CBLN2: variants seen among roughly 807,000 people sequenced by gnomAD.
CBLN2 encodes the protein cerebellin 2 precursor, also known as cerebellin-2.
In CBLN2, 7 loss-of-function variants were observed where a neutral mutation model predicts 15.0. The ratio of observed to expected loss-of-function variants is 0.47; its 90% CI spans 0.27 to 0.88. CBLN2 has a LOEUF of 0.88. CBLN2 is among the 40% of genes least tolerant of loss of function. The probability of loss-of-function intolerance (pLI) is 0.14; values close to 1 mark genes in which losing one functional copy is unlikely to be tolerated. For missense variants in CBLN2, 242 were observed against 304.5 expected, an observed-to-expected ratio of 0.79 and a Z score of 1.53; for synonymous variants, 149 against 135.2, an observed-to-expected ratio of 1.10 and a Z score of -0.71.
chr18:72,590,457 A>AG (rs1293762834), intron 1 of CBLN2, among the ~76,000 whole-genome samples: 2 of 152,202 alleles, frequency 1.3e-5, no homozygotes, highest in African/African-American at 4.8e-5. Flanking sequence ...CTCAAAAAAA[A>AG]AAGTGGTTTT....
chr18:72,631,230 A>G (rs1005941942), intron 1 of CBLN2: 1 of 152,288 alleles, frequency 6.6e-6, no homozygotes, highest in African/African-American at 2.4e-5. Flanking sequence ...TCTTATGGGA[A>G]TATATCAACT....
intron 1 of CBLN2, among the ~76,000 whole-genome samples, chr18:72,570,514 C>T (rs2069325134): frequency 6.6e-6 from 1 of 151,722 alleles, no homozygotes; most frequent in African/African-American, 2.4e-5. Flanking sequence ...TCCTGAAGTG[C>T]TGGGATTACA....
chr18:72,637,520 C>G (rs569955282), intron 1 of CBLN2, among the ~76,000 whole-genome samples: 1 of 152,308 alleles, frequency 6.6e-6, no homozygotes, highest in Admixed American at 6.5e-5. Flanking sequence ...CAGCAGCGTG[C>G]TCCATGTCAC....
chr18:72,634,782 C>G (rs1440909684), intron 1 of CBLN2, among the ~76,000 whole-genome samples: 1 of 152,048 alleles, frequency 6.6e-6, no homozygotes, highest in Non-Finnish European at 1.5e-5. Flanking sequence ...TTTGCAAGTC[C>G]CTAAGCGTAA....
At position 72,542,260 on chromosome 18, in the gene CBLN2, G is replaced by C. The variant is rs1417668945; in HGVS notation, c.-100C>G. ...CGCGCGGAGCTCGCAGCAGCCTCCG[G>C]GGGCCTTCGTCCCCGGCTCTGACGT... is the stretch of plus-strand genomic sequence containing the variant. On this transcript the variant is annotated 5_prime_UTR_variant, in exon 3 of 5. Coordinates refer to ENST00000269503, the MANE Select transcript of CBLN2 (RefSeq NM_182511.4). 5.3e-6 allele frequency: 4 copies of C among 749,602 alleles called. No homozygotes were observed. The highest frequency in any genetic ancestry group is 4.9e-5 in the Admixed American group (1 of 20,452). The allele number at this position is 749,602 out of a possible 1,614,324, so 46.4% of individuals were successfully genotyped here. A position where few individuals can be genotyped will look rare whatever the true frequency, so the allele number is the denominator to read the frequency against.
chr18:72,620,652 T>C (rs1428653507), intron 1 of CBLN2: 1 of 152,192 alleles, frequency 6.6e-6, no homozygotes, highest in Admixed American at 6.5e-5. Context: ...AGTTCTCACT[T>C]TGGGCCATGG....
intron 1 of CBLN2, among the ~76,000 whole-genome samples, chr18:72,564,104 C>T (rs530029633): frequency 1.3e-5 from 2 of 152,172 alleles, no homozygotes; most frequent in East Asian, 3.9e-4. Context: ...ACTGTTTCAC[C>T]AGATATGCGG....
upstream of CBLN2, among the ~76,000 whole-genome samples, chr18:72,544,778 A>G (rs2069146509): frequency 6.6e-6 from 1 of 152,102 alleles, no homozygotes; most frequent in African/African-American, 2.4e-5. Flanking sequence ...TGCCAAGATG[A>G]TAAATGCTGC....
chr18:72,610,007 C>G (rs1168153124), intron 1 of CBLN2, among the ~76,000 whole-genome samples: 1 of 152,142 alleles, frequency 6.6e-6, no homozygotes, highest in Non-Finnish European at 1.5e-5. Flanking sequence ...TTAATGTTCC[C>G]TAATGTTCCA....
intron 1 of CBLN2, among the ~76,000 whole-genome samples, chr18:72,561,472 C>T (rs1295893602): frequency 6.6e-6 from 1 of 152,194 alleles, no homozygotes; most frequent in South Asian, 2.1e-4. Flanking sequence ...TCTCTTTCCT[C>T]TCTGTCTTCC....
chr18:72,553,998 A>C (rs2069208185), intron 1 of CBLN2, among the ~76,000 whole-genome samples: 2 of 152,216 alleles, frequency 1.3e-5, no homozygotes, highest in Non-Finnish European at 2.9e-5. Context: ...TGAAGTGCAT[A>C]TTTCCATAAT....
At chr18:72,553,868 G>A (rs1213841883) in intron 1 of CBLN2, among the ~76,000 whole-genome samples, 2 of 152,196 alleles carry the variant, frequency 1.3e-5, no homozygotes, top group Non-Finnish European at 2.9e-5. Context: ...TCAAAGATCT[G>A]AACTTGGAGA....
chr18:72,559,804 G>T (rs2069248740), intron 1 of CBLN2, among the ~76,000 whole-genome samples: 1 of 152,156 alleles, frequency 6.6e-6, no homozygotes, highest in Non-Finnish European at 1.5e-5. Flanking sequence ...GAGATAAAAA[G>T]CCATTTTGAA....
chr18:72,625,814 C>CTATATATA (rs1250960600), intron 1 of CBLN2, among the ~76,000 whole-genome samples: 39 of 66,588 alleles, frequency 5.9e-4, no homozygotes, highest in Admixed American at 9.3e-4. Flanking sequence ...CTCTCTCTCT[C>CTATATATA]TCTCTATATA....
intron 1 of CBLN2, among the ~76,000 whole-genome samples, chr18:72,557,900 A>G (rs2069236579): frequency 6.6e-6 from 1 of 152,182 alleles, no homozygotes; most frequent in Non-Finnish European, 1.5e-5. Context: ...GCACATGTAC[A>G]CTGGAACTTA....
intron 1 of CBLN2, among the ~76,000 whole-genome samples, chr18:72,591,483 C>G (rs2144930811): frequency 6.6e-6 from 1 of 152,252 alleles, no homozygotes; most frequent in Admixed American, 6.5e-5. Context: ...AAGCATTTAA[C>G]TATTCTTTGT....
Position 72,541,942 on chromosome 18 carries a change from C to G in CBLN2, c.219G>C (p.Ser73=). ...KCLVVCDSSP[S]ADGAVTSSLG... ...GGGAGGAGGTGACGGCGCCGTCCGC[C>G]GACGGGCTGGAGTCGCACACCACCA... The change falls in exon 3 of 5, where the codon TCG becomes TCC. Residue 73 remains serine (S), a synonymous_variant. Transcript: ENST00000269503. 6.2e-7 allele frequency: 1 copy of G among 1,607,670 alleles called. No individual in the cohort carries two copies. The highest frequency in any genetic ancestry group is 8.5e-7 in the Non-Finnish European group (1 of 1,179,472).
chr18:72,638,035 A>T (rs1209333364), intron 1 of CBLN2, among the ~76,000 whole-genome samples: 8 of 152,194 alleles, frequency 5.3e-5, no homozygotes, highest in Admixed American at 5.2e-4. Context: ...GGGGTTGTGG[A>T]AATCGCAGGT....
chr18:72,544,675 T>C (rs1326253380), upstream of CBLN2: 1 of 152,098 alleles, frequency 6.6e-6, no homozygotes, highest in Non-Finnish European at 1.5e-5. Context: ...TAATGACCAG[T>C]CTTCCCGGTA....
Sources: gnomAD v4.1 joint callset for allele counts (sites outside exome capture counted in the v4.1 genomes callset) on GRCh38, gnomAD v4.1.1 for gene constraint, MANE v1.5 for transcripts, NCBI Gene and HGNC (gene_info 2026-07-23, HGNC 2026-07-21) for gene names.